MYCBP2: variants seen among roughly 807,000 people sequenced by gnomAD.
The protein encoded by MYCBP2 is MYC binding protein 2, also known as E3 ubiquitin-protein ligase MYCBP2.
MYCBP2 carries 120 observed loss-of-function variants against 525.3 expected under a neutral mutation model. The observed-to-expected ratio is 0.23, with a 90% confidence interval of 0.20 to 0.27. MYCBP2 has a LOEUF of 0.27. Among genes scored for constraint, MYCBP2 ranks in the 10% least tolerant of loss-of-function variants. MYCBP2 has a pLI of 1.00. For missense variants in MYCBP2, 4,149 were observed against 5,657.1 expected (o/e 0.73, Z 8.55); for synonymous variants, 1,894 against 1,955.8 (o/e 0.97, Z 0.83).
chr13:77,060,194 T>C (rs1012442702), intron 76 of MYCBP2, among the ~76,000 whole-genome samples: 1 of 152,170 alleles, frequency 6.6e-6, no homozygotes, highest in South Asian at 2.1e-4. Flanking sequence ...AACGTGAAGA[T>C]TTGAAAATTA....
chr13:77,189,631 C>CT (rs1453857247), intron 29 of MYCBP2, among the ~76,000 whole-genome samples: 7 of 152,036 alleles, frequency 4.6e-5, no homozygotes, highest in Non-Finnish European at 1.0e-4. Flanking sequence ...GGTTTATATC[C>CT]ATTTGAATTC....
Position 77,139,620 on chromosome 13 carries a change from T to C in MYCBP2, c.7519-284A>G, listed in dbSNP as rs182881705. Among the ~76,000 whole-genome samples the C allele has an allele frequency of 4.7e-3, 712 of 152,316 alleles. 3 individuals carry two copies. Among genetic ancestry groups the C allele is most frequent in the African/African-American group, 0.015 (623 of 41,566 alleles). Reference sequence around the variant, plus strand: ...GATACATAAACAGTAAAATCAGATGTTTCCCAAAGGAATATGAGTCTTCCT... The same window carrying C: ...GATACATAAACAGTAAAATCAGATGCTTCCCAAAGGAATATGAGTCTTCCT... On this transcript the variant is annotated intron_variant, in intron 51 of 82. Transcript: ENST00000544440.
intron 68 of MYCBP2, 124 bp from the exon 69 acceptor site, chr13:77,070,835 A>G: frequency 1.8e-6 from 1 of 562,548 alleles, no homozygotes. Flanking sequence ...AAGTAAATTT[A>G]TTTTAAATTG....
intron 52 of MYCBP2, among the ~76,000 whole-genome samples, chr13:77,130,601 T>C (rs2052591808): frequency 6.6e-6 from 1 of 152,022 alleles, no homozygotes; most frequent in African/African-American, 2.4e-5. Flanking sequence ...AGGGAATACG[T>C]CCTTTCTCTT....
chr13:77,120,516 T>C (rs2050507501), intron 55 of MYCBP2, among the ~76,000 whole-genome samples: 1 of 152,212 alleles, frequency 6.6e-6, no homozygotes, highest in Non-Finnish European at 1.5e-5. Flanking sequence ...TGGAATCAAG[T>C]CCTGTGAATT....
Position 77,185,878 on chromosome 13 carries a change from TG to T in MYCBP2, c.4436del (p.Pro1479GlnfsTer10). ...LLRVYTCEIY[P>X]VSATGKAVVE... The stretch of plus-strand genomic sequence containing the variant: ...AAAAAAAATGCATCATACCTGACAC[TG>T]GGTAAATTTCACAGGTATAGACACG... On this transcript the variant is annotated frameshift_variant, in exon 31 of 83. Coordinates refer to ENST00000544440, the MANE Select transcript of MYCBP2 (RefSeq NM_015057.5). LOFTEE classifies it high-confidence loss of function. 1 of 1,578,736 alleles carries T rather than the reference TG, an allele frequency of 6.3e-7. No homozygotes were observed. The highest frequency in any genetic ancestry group is 1.2e-5 in the South Asian group (1 of 84,572).
chr13:77,182,439 A>G (rs1319017841), intron 32 of MYCBP2, among the ~76,000 whole-genome samples: 2 of 152,256 alleles, frequency 1.3e-5, no homozygotes, highest in Non-Finnish European at 2.9e-5. Context: ...AAAAAGCATT[A>G]AAGCCAACAC....
intron 1 of MYCBP2, among the ~76,000 whole-genome samples, chr13:77,324,895 G>A (rs139981698): frequency 1.3e-5 from 2 of 152,238 alleles, no homozygotes; most frequent in Non-Finnish European, 2.9e-5. Context: ...ATGTTCCTGC[G>A]GTGCCATAAT....
intron 55 of MYCBP2, among the ~76,000 whole-genome samples, chr13:77,109,371 G>A (rs185424120): frequency 7.9e-5 from 12 of 152,264 alleles, no homozygotes; most frequent in East Asian, 1.9e-4. Flanking sequence ...ATCTAATGCC[G>A]CAGCTGATCT....
intron 60 of MYCBP2, among the ~76,000 whole-genome samples, chr13:77,089,847 C>A (rs2045083259): frequency 6.6e-6 from 1 of 151,868 alleles, no homozygotes; most frequent in Non-Finnish European, 1.5e-5. Flanking sequence ...GCTTAGATAC[C>A]TAACAAGTAA....
intron 13 of MYCBP2, 58 bp from the exon 14 acceptor site, chr13:77,257,887 A>G (rs1336302922): frequency 2.1e-6 from 3 of 1,411,950 alleles, no homozygotes; most frequent in Non-Finnish European, 2.9e-6. Flanking sequence ...GAGCCTAGTA[A>G]AAGAACTACC....
chr13:77,203,496 A>T (rs1180746151), intron 26 of MYCBP2, among the ~76,000 whole-genome samples: 1 of 151,770 alleles, frequency 6.6e-6, no homozygotes, highest in Non-Finnish European at 1.5e-5. Flanking sequence ...ATTCAATGCC[A>T]TCCCCATCAA....
intron 27 of MYCBP2, among the ~76,000 whole-genome samples, chr13:77,193,526 A>G (rs765592398): frequency 2.6e-5 from 4 of 152,182 alleles, no homozygotes; most frequent in Non-Finnish European, 5.9e-5. Context: ...TTATAATAAT[A>G]TTCCCTGCTT....
intron 80 of MYCBP2, among the ~76,000 whole-genome samples, chr13:77,054,165 G>C (rs1271484983): frequency 1.3e-5 from 2 of 152,116 alleles, no homozygotes; most frequent in Non-Finnish European, 2.9e-5. Context: ...TGGCAGGTCA[G>C]AGTAAAATAT....
At position 77,095,420 on chromosome 13, in the gene MYCBP2, T is replaced by A. The variant is rs1297847403; in HGVS notation, c.10137A>T (p.Lys3379Asn). 1.2e-6 allele frequency: 2 copies of A among 1,613,402 alleles called. No homozygotes were observed. Among genetic ancestry groups the A allele is most frequent in the Admixed American group, 3.3e-5 (2 of 59,892 alleles). ...KPFQSQLPSV[K>N]EGISEDLPVK... ...CAGGAAGATCCTCAGAAATGCCTTCTTTTACACTGGGCAACTGAGATTGGA... is the reference window on the plus strand; with the variant it reads ...CAGGAAGATCCTCAGAAATGCCTTCATTTACACTGGGCAACTGAGATTGGA... The change falls in exon 58 of 83, where the codon AAA (lysine) becomes AAT (asparagine). Residue 3379 changes from lysine to asparagine, a missense_variant. By Grantham distance (94) the Lys-to-Asn change is moderately conservative. Coordinates refer to ENST00000544440, the MANE Select transcript of MYCBP2 (RefSeq NM_015057.5).
intron 8 of MYCBP2, among the ~76,000 whole-genome samples, chr13:77,267,372 GTC>G (rs2074248396): frequency 6.6e-6 from 1 of 150,754 alleles, no homozygotes. Context: ...TAAACTCTCT[GTC>G]TCTGAAACCC....
chr13:77,076,744 T>C lies in MYCBP2; in HGVS notation c.11823+7A>G, dbSNP rs1313745304. Reference sequence around the variant, plus strand: ...GAAATAAATATCTTTAGAATACAAATAAATACATTGTATACTTTTTCTTCT... The same window carrying C: ...GAAATAAATATCTTTAGAATACAAACAAATACATTGTATACTTTTTCTTCT... On this transcript the variant is annotated splice_region_variant and intron_variant, in intron 68 of 82. Coordinates refer to ENST00000544440, the MANE Select transcript of MYCBP2 (RefSeq NM_015057.5). 1 of 1,494,286 alleles carries C rather than the reference T, an allele frequency of 6.7e-7. No homozygotes were observed. The highest frequency in any genetic ancestry group is 1.2e-5 in the South Asian group (1 of 84,734). 92.6% of individuals were successfully genotyped at this position (1,494,286 alleles called of 1,614,324 possible). A position where few individuals can be genotyped will look rare whatever the true frequency, so the allele number is the denominator to read the frequency against.
chr13:77,201,242 C>T (rs1279386176), intron 26 of MYCBP2, among the ~76,000 whole-genome samples: 24 of 149,552 alleles, frequency 1.6e-4, no homozygotes, highest in Non-Finnish European at 3.0e-4. Context: ...GGGTTGCAAT[C>T]CTAGTCTCTG....
chr13:77,095,414 G>A lies in MYCBP2; in HGVS notation c.10143C>T (p.Gly3381=). ...TTTTCACAGGAAGATCCTCAGAAAT[G>A]CCTTCTTTTACACTGGGCAACTGAG... ...FQSQLPSVKE[G]ISEDLPVKMP... is the part of the protein sequence containing the mutation. Residue 3381 remains glycine (G), a synonymous_variant, in exon 58 of 83, where the codon GGC becomes GGT. Coordinates refer to ENST00000544440, the MANE Select transcript of MYCBP2 (RefSeq NM_015057.5). The A allele has an allele frequency of 6.2e-7, 1 of 1,613,476 alleles. No individual in the cohort carries two copies. Among genetic ancestry groups the A allele is most frequent in the Non-Finnish European group, 8.5e-7 (1 of 1,179,684 alleles).
Sources: allele counts gnomAD v4.1 joint callset (sites outside exome capture counted in the v4.1 genomes callset), GRCh38; gene constraint gnomAD v4.1.1; transcripts MANE v1.5; gene names NCBI Gene and HGNC (gene_info 2026-07-23, HGNC 2026-07-21).